The following GADL1 variants were observed in gnomAD, a reference collection of about 807,000 sequenced individuals.
GADL1 encodes acidic amino acid decarboxylase GADL1.
GADL1 carries 71 observed loss-of-function variants against 69.5 expected under a neutral mutation model. The ratio of observed to expected loss-of-function variants is 1.02; its 90% CI spans 0.84 to 1.25. GADL1 has a LOEUF of 1.25. Among genes scored for constraint, GADL1 ranks in the 50% most tolerant of loss-of-function variants. The probability of loss-of-function intolerance (pLI) is 0.00; values close to 1 mark genes in which losing one functional copy is unlikely to be tolerated. For synonymous variants in GADL1, 254 were observed against 214.4 expected (o/e 1.18, Z -1.62); for missense variants, 737 against 631.8 (o/e 1.17, Z -1.79).
intron 14 of GADL1, among the ~76,000 whole-genome samples, chr3:30,763,928 CTT>C (rs1243968169): frequency 2.0e-5 from 3 of 151,934 alleles, no homozygotes; most frequent in Admixed American, 6.6e-5. Flanking sequence ...TATAAATTCT[CTT>C]GATAATAAAA....
At chr3:30,756,773 G>C (rs1190146577) in intron 14 of GADL1, among the ~76,000 whole-genome samples, 5 of 152,180 alleles carry the variant, frequency 3.3e-5, no homozygotes, top group Admixed American at 6.5e-5. Context: ...CCAAGATCCA[G>C]CAGAGCTCCC....
chr3:30,778,327 A>C, intron 13 of GADL1, 59 bp from the exon 14 acceptor site: 2 of 1,079,872 alleles, frequency 1.9e-6, no homozygotes, highest in South Asian at 2.6e-5. Flanking sequence ...AATGCAATGA[A>C]ATACTTTTAA....
chr3:30,782,014 T>C (rs540138176), intron 13 of GADL1, among the ~76,000 whole-genome samples: 20 of 152,184 alleles, frequency 1.3e-4, no homozygotes, highest in Non-Finnish European at 2.4e-4. Context: ...AAGCTTTCTA[T>C]GTTATAGATA....
At chr3:30,815,807 G>A (rs1697457681) in intron 11 of GADL1, among the ~76,000 whole-genome samples, 1 of 152,132 alleles carries the variant, frequency 6.6e-6, no homozygotes, top group South Asian at 2.1e-4. Context: ...AGTTTTAGGT[G>A]GGAAACAGGG....
chr3:30,796,616 A>G (rs1197282157), intron 12 of GADL1, among the ~76,000 whole-genome samples: 2 of 152,096 alleles, frequency 1.3e-5, no homozygotes, highest in African/African-American at 4.8e-5. Context: ...AAGAATATAG[A>G]TCTGACACTC....
intron 14 of GADL1, among the ~76,000 whole-genome samples, chr3:30,756,402 G>GTT (rs1380675745): frequency 1.3e-5 from 2 of 152,006 alleles, no homozygotes; most frequent in Admixed American, 1.3e-4. Context: ...AATGTATAAA[G>GTT]TTATAAAGGC....
chr3:30,839,216 G>T, intron 8 of GADL1, 103 bp from the exon 9 acceptor site: 4 of 708,196 alleles, frequency 5.6e-6, no homozygotes, highest in Non-Finnish European at 8.9e-6. Context: ...GAGTTATTTG[G>T]GTTTTTTGGA....
chr3:30,730,482 T>C (rs1301571594), intron 14 of GADL1, among the ~76,000 whole-genome samples: 1 of 152,068 alleles, frequency 6.6e-6, no homozygotes, highest in Non-Finnish European at 1.5e-5. Context: ...TTACTTCACC[T>C]GAAGAAACCC....
intron 14 of GADL1, among the ~76,000 whole-genome samples, chr3:30,759,712 TACTTC>T (rs1425598701): frequency 1.3e-5 from 2 of 152,214 alleles, no homozygotes; most frequent in African/African-American, 2.4e-5. Flanking sequence ...GTATCCTCAC[TACTTC>T]ACTTCCTTAG....
At chr3:30,802,330 G>T (rs928001335) in intron 11 of GADL1, among the ~76,000 whole-genome samples, 1 of 152,122 alleles carries the variant, frequency 6.6e-6, no homozygotes, top group African/African-American at 2.4e-5. Context: ...ACTGTGCTGG[G>T]CACAGAGCAC....
intron 1 of GADL1, among the ~76,000 whole-genome samples, chr3:30,882,489 T>A (rs1167604998): frequency 6.6e-6 from 1 of 151,998 alleles, no homozygotes; most frequent in Non-Finnish European, 1.5e-5. Flanking sequence ...TTTATCTACA[T>A]AGCACTGACA....
At chr3:30,858,510 A>C (rs1238894922) in intron 2 of GADL1, among the ~76,000 whole-genome samples, 1 of 151,990 alleles carries the variant, frequency 6.6e-6, no homozygotes, top group Non-Finnish European at 1.5e-5. Context: ...TAAAATGCAG[A>C]ATCACTAGAA....
chr3:30,884,878 ACC>A (rs1698683692), intron 1 of GADL1, among the ~76,000 whole-genome samples: 1 of 151,900 alleles, frequency 6.6e-6, no homozygotes, highest in Non-Finnish European at 1.5e-5. Flanking sequence ...CCCTCACAAA[ACC>A]CTAGGAGGTA....
chr3:30,826,761 A>G (rs1046672339), intron 11 of GADL1, among the ~76,000 whole-genome samples: 4 of 151,262 alleles, frequency 2.6e-5, no homozygotes, highest in Admixed American at 6.6e-5. Flanking sequence ...CCAGTCTCCA[A>G]TAAAAGACAG....
chr3:30,783,429 T>C (rs1344104858), intron 13 of GADL1, among the ~76,000 whole-genome samples: 2 of 147,566 alleles, frequency 1.4e-5, no homozygotes, highest in Non-Finnish European at 3.1e-5. Context: ...TTTTATTCTT[T>C]CCAGGAAAAA....
chr3:30,780,851 T>C (rs1382228350), intron 13 of GADL1, among the ~76,000 whole-genome samples: 1 of 152,232 alleles, frequency 6.6e-6, no homozygotes, highest in African/African-American at 2.4e-5. Context: ...TATCTTTGCT[T>C]TGGTCATTTC....
chr3:30,759,004 C>A (rs1383445568), intron 14 of GADL1, among the ~76,000 whole-genome samples: 4 of 134,758 alleles, frequency 3.0e-5, no homozygotes, highest in African/African-American at 1.1e-4. Context: ...AGTGAGCCAG[C>A]CAGACATACC....
intron 1 of GADL1, among the ~76,000 whole-genome samples, chr3:30,888,222 A>G (rs1339747575): frequency 6.6e-6 from 1 of 152,166 alleles, no homozygotes; most frequent in East Asian, 1.9e-4. Context: ...CAAAATCAGG[A>G]TGCTGGTTAC....
intron 14 of GADL1, among the ~76,000 whole-genome samples, chr3:30,728,814 C>T (rs182313951): frequency 4.1e-4 from 62 of 152,162 alleles, no homozygotes; most frequent in African/African-American, 1.2e-3. Context: ...GTCTCATTCT[C>T]AAATTTGTCT....
Sources: allele counts gnomAD v4.1 joint callset (sites outside exome capture counted in the v4.1 genomes callset), GRCh38; gene constraint gnomAD v4.1.1; transcripts MANE v1.5; gene names NCBI Gene and HGNC (gene_info 2026-07-23, HGNC 2026-07-21).